The following NLGN4X variants were observed in gnomAD, a reference collection of about 807,000 sequenced individuals.
NLGN4X encodes the protein neuroligin-4, X-linked.
Under a neutral mutation model 40.3 loss-of-function variants are expected in NLGN4X, and 3 were observed. The ratio of observed to expected loss-of-function variants is 0.07; its 90% confidence interval spans 0.03 to 0.19. The LOEUF (loss-of-function observed/expected upper bound fraction) is 0.19. NLGN4X is among the 10% of genes least tolerant of loss of function. The pLI is 1.00. For missense variants in NLGN4X, 382 were observed against 708.3 expected (o/e 0.54, Z 5.23); for synonymous variants, 270 against 306.8 (o/e 0.88, Z 1.25).
At chrX:5,940,520 C>T (rs758489971) in intron 3 of NLGN4X, among the ~76,000 whole-genome samples, 2 of 108,882 alleles carry the variant, frequency 1.8e-5, no homozygotes, top group Admixed American at 9.9e-5. Context: ...AGATCTGATG[C>T]TGCAAAAATA....
intron 1 of NLGN4X, among the ~76,000 whole-genome samples, chrX:6,207,285 T>C (rs929516784): frequency 1.8e-5 from 2 of 112,298 alleles, no homozygotes; most frequent in African/African-American, 6.5e-5. Flanking sequence ...GCAACCAAAC[T>C]GTATTTGGGA....
chrX:6,034,641 T>A (rs952271470), intron 2 of NLGN4X, among the ~76,000 whole-genome samples: 1 of 111,626 alleles, frequency 9.0e-6, no homozygotes, highest in African/African-American at 3.3e-5. Context: ...CTCTAATACC[T>A]AGCCAACACT....
intron 3 of NLGN4X, among the ~76,000 whole-genome samples, chrX:5,949,043 T>C (rs933300724): frequency 4.5e-5 from 5 of 111,510 alleles, no homozygotes; most frequent in African/African-American, 1.6e-4. Context: ...CAAGAGAGAA[T>C]GCCCTGAGGG....
intron 3 of NLGN4X, among the ~76,000 whole-genome samples, chrX:5,958,208 C>CA (rs1172167431): frequency 2.0e-4 from 22 of 110,561 alleles, no homozygotes; most frequent in Non-Finnish European, 2.6e-4. Flanking sequence ...AACATTTCCA[C>CA]AAAAAAAGCA....
chrX:5,921,436 G>GAGAGAGA (rs1569131798), intron 3 of NLGN4X, among the ~76,000 whole-genome samples: 10 of 38,001 alleles, frequency 2.6e-4, no homozygotes, highest in Non-Finnish European at 4.7e-4. Flanking sequence ...AGAGAGAGAG[G>GAGAGAGA]AGAGACAGAG....
chrX:6,022,532 TCAG>T (rs1378062292), intron 3 of NLGN4X, among the ~76,000 whole-genome samples: 1 of 112,091 alleles, frequency 8.9e-6, no homozygotes, highest in African/African-American at 3.2e-5. Context: ...TTGACATTTT[TCAG>T]CAGGTGTGCT....
intron 2 of NLGN4X, among the ~76,000 whole-genome samples, chrX:6,049,438 C>T (rs2037420359): frequency 9.3e-6 from 1 of 107,797 alleles, no homozygotes; most frequent in Admixed American, 1.0e-4. Context: ...TACTAAAAGA[C>T]CATGTTAAAA....
rs2038348418 is a variant in NLGN4X, at chrX:6,081,491, C to T, written c.473-52059G>A. Among the ~76,000 whole-genome samples, 4 of 112,383 alleles carry T rather than the reference C, an allele frequency of 3.6e-5. No homozygotes were observed. The Admixed American group carries it at 3.8e-4, about 11-fold the overall frequency. On this transcript the variant is annotated intron_variant, in intron 2 of 5. Transcript: ENST00000381095. ...ATGCATGCTGAAGGTTCTGGCCTCA[C>T]TCCTGGTAAAGGCAAAGCATCAGGA...
intron 3 of NLGN4X, among the ~76,000 whole-genome samples, chrX:6,001,667 G>A (rs1165396583): frequency 9.8e-6 from 1 of 102,091 alleles, no homozygotes; most frequent in Non-Finnish European, 2.0e-5. Flanking sequence ...GAGAGCCTGG[G>A]AGCTTATTCA....
chrX:6,011,799 C>G (rs1279120606), intron 3 of NLGN4X, among the ~76,000 whole-genome samples: 4 of 111,222 alleles, frequency 3.6e-5, no homozygotes, highest in Non-Finnish European at 7.5e-5. Flanking sequence ...GTTACACGAT[C>G]TCTTCATGGT....
chrX:6,225,592 T>C (rs1316822238), intron 1 of NLGN4X, among the ~76,000 whole-genome samples: 1 of 105,586 alleles, frequency 9.5e-6, no homozygotes, highest in Non-Finnish European at 2.0e-5. Context: ...ACTTCTATGT[T>C]GCCCGCAGAA....
At chrX:5,922,898 T>A (rs1253545945) in intron 3 of NLGN4X, among the ~76,000 whole-genome samples, 1 of 110,971 alleles carries the variant, frequency 9.0e-6, no homozygotes. Context: ...AAATAAAAAA[T>A]TAAAAAACAA....
At chrX:5,945,893 T>G (rs943438091) in intron 3 of NLGN4X, among the ~76,000 whole-genome samples, 7 of 111,309 alleles carry the variant, frequency 6.3e-5, no homozygotes, top group Admixed American at 2.9e-4. Context: ...ACTTGCATGA[T>G]ATTCGCCTCT....
intron 2 of NLGN4X, among the ~76,000 whole-genome samples, chrX:6,069,508 T>C (rs1255526445): frequency 9.0e-6 from 1 of 111,642 alleles, no homozygotes; most frequent in Non-Finnish European, 1.9e-5. Context: ...ACCAACAATT[T>C]CAAAAATTCA....
chrX:6,052,183 G>A (rs1569209706), intron 2 of NLGN4X, among the ~76,000 whole-genome samples: 1 of 110,588 alleles, frequency 9.0e-6, no homozygotes, highest in East Asian at 2.8e-4. Context: ...CCTCCCGAGA[G>A]TCATGCTGCC....
chrX:6,033,354 C>T (rs1486821466), intron 2 of NLGN4X, among the ~76,000 whole-genome samples: 3 of 112,006 alleles, frequency 2.7e-5, no homozygotes, highest in Non-Finnish European at 3.8e-5. Context: ...ATTTAAATCA[C>T]TAAGATTTAC....
At chrX:5,976,743 C>T (rs1450832577) in intron 3 of NLGN4X, among the ~76,000 whole-genome samples, 1 of 112,774 alleles carries the variant, frequency 8.9e-6, no homozygotes, top group African/African-American at 3.2e-5. Context: ...ATTAAGCCTC[C>T]GTTATCTGTT....
chrX:6,154,397 A>G (rs1335323660), intron 1 of NLGN4X, among the ~76,000 whole-genome samples: 1 of 111,640 alleles, frequency 9.0e-6, no homozygotes, highest in Non-Finnish European at 1.9e-5. Flanking sequence ...AATTTTTAGC[A>G]TTACAAGAAA....
intron 2 of NLGN4X, among the ~76,000 whole-genome samples, chrX:6,069,287 C>CA (rs35625635): frequency 1.7e-4 from 15 of 88,126 alleles, no homozygotes; most frequent in East Asian, 1.4e-3. Context: ...GACTCCGTCT[C>CA]AAAAAAAAAA....
Sources: allele counts gnomAD v4.1 joint callset (sites outside exome capture counted in the v4.1 genomes callset), GRCh38; gene constraint gnomAD v4.1.1; transcripts MANE v1.5; gene names NCBI Gene and HGNC (gene_info 2026-07-23, HGNC 2026-07-21).